Variants in HAUS4 observed in about 807,000 individuals in gnomAD.
HAUS4 encodes the protein HAUS augmin-like complex subunit 4.
HAUS4 carries 34 observed loss-of-function variants against 50.6 expected under a neutral mutation model. The ratio of observed to expected loss-of-function variants is 0.67; its 90% CI spans 0.51 to 0.90. The LOEUF (loss-of-function observed/expected upper bound fraction) is 0.90. Among genes scored for constraint, HAUS4 ranks in the 40% least tolerant of loss-of-function variants. The probability of loss-of-function intolerance (pLI) is 0.00; values close to 1 mark genes in which losing one functional copy is unlikely to be tolerated. For missense variants in HAUS4, 370 were observed against 428.7 expected, an observed-to-expected ratio of 0.86 and a Z score of 1.21; for synonymous variants, 149 against 161.4, an observed-to-expected ratio of 0.92 and a Z score of 0.58.
chr14:22,950,243 T>C, intron 6 of HAUS4, 71 bp downstream of exon 6: 3 of 764,166 alleles, frequency 3.9e-6, no homozygotes, highest in South Asian at 3.5e-5. Context: ...AATCAAAATA[T>C]ATTATTCTCA....
At chr14:22,956,048 G>C (rs1174946853) in intron 1 of HAUS4, among the ~76,000 whole-genome samples, 2 of 152,122 alleles carry the variant, frequency 1.3e-5, no homozygotes, top group African/African-American at 4.8e-5. Flanking sequence ...TCCCAAAGCT[G>C]AACAGGCATT....
At chr14:22,947,561 G>A (rs765060412) in intron 8 of HAUS4, 40 bp downstream of exon 8, 68 of 1,608,460 alleles carry the variant, frequency 4.2e-5, no homozygotes, top group Non-Finnish European at 5.3e-5. Flanking sequence ...CTGATAACGT[G>A]AGACAGAATC....
At chr14:22,947,271 G>C (rs2044660582) in intron 8 of HAUS4, 32 bp from the exon 9 acceptor site, 1 of 1,466,984 alleles carries the variant, frequency 6.8e-7, no homozygotes, top group South Asian at 1.1e-5. Flanking sequence ...TGTCAAGGCA[G>C]GAAGGTCCCT....
intron 6 of HAUS4, 135 bp downstream of exon 6, chr14:22,950,179 G>A: frequency 2.3e-6 from 1 of 426,500 alleles, no homozygotes; most frequent in South Asian, 6.7e-5. Context: ...TATTCTACCA[G>A]CAACAAAACA....
intron 2 of HAUS4, chr14:22,954,747 T>C (rs1032986570): frequency 6.0e-6 from 1 of 165,420 alleles, no homozygotes; most frequent in Non-Finnish European, 1.3e-5. Context: ...TTTTTTTTTT[T>C]TGGAGTCTTG....
intron 2 of HAUS4, chr14:22,954,561 G>C (rs2044822434): frequency 6.6e-6 from 1 of 152,154 alleles, no homozygotes. Flanking sequence ...CAGCATGGGA[G>C]CATCTTGAGT....
chr14:22,956,025 G>C (rs2044857120), intron 1 of HAUS4, among the ~76,000 whole-genome samples: 1 of 152,060 alleles, frequency 6.6e-6, no homozygotes. Context: ...AAACTCCAAA[G>C]GGCAACTGAG....
At position 22,950,338 on chromosome 14, in the gene HAUS4, G is replaced by A. The variant is rs774908047; in HGVS notation, c.538C>T (p.Leu180Phe). ...CCTGAATTGGGATCATAGTAGCAGAGCAGAGTGAAACATTTCTTTTTGAGC... is the reference window on the plus strand; with the variant it reads ...CCTGAATTGGGATCATAGTAGCAGAACAGAGTGAAACATTTCTTTTTGAGC... ...EQLKKKCFTL[L>F]CYYDPNSDAD... Residue 180 changes from leucine (L) to phenylalanine (F), a missense_variant, in exon 6 of 10, where the codon CTC becomes TTC. Coordinates refer to ENST00000541587, the MANE Select transcript of HAUS4 (RefSeq NM_001166269.2). The A allele has an allele frequency of 1.2e-6, 2 of 1,609,192 alleles. No homozygotes were observed. Among genetic ancestry groups the A allele is most frequent in the South Asian group, 1.1e-5 (1 of 91,004 alleles).
intron 6 of HAUS4, among the ~76,000 whole-genome samples, chr14:22,949,797 C>T (rs1355665294): frequency 6.6e-6 from 1 of 152,052 alleles, no homozygotes; most frequent in Non-Finnish European, 1.5e-5. Context: ...AGGACACTCC[C>T]ACTCAGTATC....
chr14:22,948,026 G>A lies in HAUS4; in HGVS notation c.563-13C>T. The A allele has an allele frequency of 6.3e-7, 1 of 1,596,386 alleles. No individual in the cohort carries two copies. Among genetic ancestry groups the A allele is most frequent in the African/African-American group, 1.3e-5 (1 of 74,552 alleles). On this transcript the variant is annotated splice_polypyrimidine_tract_variant and intron_variant, in intron 6 of 9. Coordinates refer to ENST00000541587, the MANE Select transcript of HAUS4 (RefSeq NM_001166269.2). ...TCACTGTCAGCATCTGAGCAAAGGG[G>A]CAGAGGACTGACAGGAAAACCCTAA... is the stretch of plus-strand genomic sequence containing the variant.
Position 22,952,458 on chromosome 14 carries a change from G to A in HAUS4, c.200C>T (p.Ala67Val), listed in dbSNP as rs1275233210. 4 of 1,613,924 alleles carry A rather than the reference G, an allele frequency of 2.5e-6. No individual in the cohort carries two copies. Among genetic ancestry groups the A allele is most frequent in the Non-Finnish European group, 3.4e-6 (4 of 1,179,924 alleles). Residue 67 changes from alanine to valine, a missense_variant and splice_region_variant, in exon 4 of 10, where the codon GCA becomes GTA. Coordinates refer to ENST00000541587, the MANE Select transcript of HAUS4 (RefSeq NM_001166269.2). The stretch of plus-strand genomic sequence containing the variant: ...CTTATGCAGTCGAACTTCCTTCCAT[G>A]CCTAGAAATCCAAAAAATCTCAGGT... ...SLTLAKEQAQ[A>V]WKEVRLHKTT...
intron 6 of HAUS4, 76 bp from the exon 7 acceptor site, chr14:22,948,089 T>C: frequency 1.5e-6 from 2 of 1,358,100 alleles, no homozygotes; most frequent in Non-Finnish European, 2.0e-6. Context: ...CCAGTGCCCC[T>C]ATCCTGTATC....
chr14:22,955,593 C>A (rs1397008521), intron 1 of HAUS4: 1 of 156,872 alleles, frequency 6.4e-6, no homozygotes, highest in Non-Finnish European at 1.4e-5. Flanking sequence ...TTTTTCCCCC[C>A]AAATAACTCA....
intron 1 of HAUS4, chr14:22,955,545 A>C (rs1486424319): frequency 1.7e-5 from 3 of 176,806 alleles, no homozygotes; most frequent in Non-Finnish European, 3.5e-5. Context: ...CCCAGTTATG[A>C]GTGAACTGGG....
chr14:22,954,947 G>A (rs1158894827), intron 2 of HAUS4, among the ~76,000 whole-genome samples, 153 bp downstream of exon 2: 1 of 151,934 alleles, frequency 6.6e-6, no homozygotes, highest in Admixed American at 6.6e-5. Flanking sequence ...GGATGGTCTC[G>A]ATCTCCTGAC....
chr14:22,947,860 T>C lies in HAUS4; in HGVS notation c.708+8A>G. The C allele has an allele frequency of 1.2e-6, 2 of 1,612,444 alleles. No individual in the cohort carries two copies. Among genetic ancestry groups the C allele is most frequent in the Non-Finnish European group, 1.7e-6 (2 of 1,179,184 alleles). On this transcript the variant is annotated splice_region_variant and intron_variant, in intron 7 of 9. Coordinates refer to ENST00000541587, the MANE Select transcript of HAUS4 (RefSeq NM_001166269.2). ...AAAGGAAAGGGGCTGTCCCATGCCCTGATAAACCTGGGAGTAAGCAGCACT... is the reference window on the plus strand; with the variant it reads ...AAAGGAAAGGGGCTGTCCCATGCCCCGATAAACCTGGGAGTAAGCAGCACT...
chr14:22,947,299 G>T, intron 8 of HAUS4, 60 bp from the exon 9 acceptor site: 1 of 1,157,882 alleles, frequency 8.6e-7, no homozygotes, highest in Non-Finnish European at 1.3e-6. Context: ...GCAGGGTTGG[G>T]AATGGACGTA....
At position 22,952,443 on chromosome 14, in the gene HAUS4, C is replaced by A. The variant is rs749981842; in HGVS notation, c.215G>T (p.Arg72Leu). The A allele has an allele frequency of 6.2e-7, 1 of 1,613,962 alleles. No homozygotes were observed. Among genetic ancestry groups the A allele is most frequent in the Non-Finnish European group, 8.5e-7 (1 of 1,180,004 alleles). The change falls in exon 4 of 10, where the codon CGA (arginine) becomes CTA (leucine). Residue 72 changes from arginine to leucine, a missense_variant. Arg to Leu is a moderately radical substitution (Grantham distance 102). Transcript: ENST00000541587. ...KEQAQAWKEV[R>L]LHKTTWLRSE... ...CCTCAACCATGTTGTCTTATGCAGT[C>A]GAACTTCCTTCCATGCCTAGAAATC...
intron 6 of HAUS4, among the ~76,000 whole-genome samples, chr14:22,949,157 C>CA (rs113283565): frequency 3.5e-4 from 42 of 121,134 alleles, no homozygotes; most frequent in South Asian, 5.3e-4. Context: ...AACTCCGTCT[C>CA]AAAAAAAAAA....
Sources: gnomAD v4.1 joint callset for allele counts (sites outside exome capture counted in the v4.1 genomes callset) on GRCh38, gnomAD v4.1.1 for gene constraint, MANE v1.5 for transcripts, NCBI Gene and HGNC (gene_info 2026-07-23, HGNC 2026-07-21) for gene names.